ZNF273: variants seen among roughly 807,000 people sequenced by gnomAD.
ZNF273 encodes zinc finger protein 9.
In ZNF273, 11 loss-of-function variants were observed where a neutral mutation model predicts 14.9. The observed-to-expected ratio is 0.74, with a 90% CI of 0.46 to 1.22. The LOEUF is 1.22. ZNF273 is among the 50% of genes most tolerant of loss of function. ZNF273 has a pLI of 0.00. For missense variants in ZNF273, 577 were observed against 660.6 expected (o/e 0.87, Z 1.39); for synonymous variants, 199 against 223.9 (o/e 0.89, Z 0.99).
rs138681847 is a variant in ZNF273 at position 64,928,654 on chromosome 7, C to A, written c.1326C>A (p.Phe442Leu). Reference protein sequence around the residue: ...CEECGKAFSVFSTLTKHKIIH... With the variant: ...CEECGKAFSVLSTLTKHKIIH... ...AATGTGGAAAAGCCTTTAGTGTATT[C>A]TCAACCCTTACTAAACATAAGATAA... is the stretch of plus-strand genomic sequence containing the variant. Residue 442 changes from phenylalanine to leucine, a missense_variant, in exon 4 of 4, where the codon TTC becomes TTA. Physicochemically the swap from Phe to Leu is conservative, Grantham distance 22. Transcript: ENST00000476120. The A allele has an allele frequency of 1.2e-6, 2 of 1,612,900 alleles. No individual in the cohort carries two copies. The highest frequency in any genetic ancestry group is 1.7e-6 in the Non-Finnish European group (2 of 1,179,198).
At chr7:64,881,787 G>A (rs146145792), downstream of ZNF273, among the ~76,000 whole-genome samples, 19 of 152,272 alleles carry the variant, frequency 1.2e-4, no homozygotes, top group African/African-American at 4.6e-4. Flanking sequence ...GGGTCCTCTG[G>A]CAAGGATCCG....
rs201783105 is a variant in ZNF273 at position 64,910,704 on chromosome 7, G to GT, written c.103-6868dup. Among the ~76,000 whole-genome samples the GT allele has an allele frequency of 9.4e-3, 1,355 of 143,964 alleles. 16 individuals are homozygous for GT. The highest frequency in any genetic ancestry group is 0.033 in the African/African-American group (1,282 of 39,400). The allele number at this position is 143,964 out of a possible 152,430, so 94.4% of individuals were successfully genotyped here. A position where few individuals can be genotyped will look rare whatever the true frequency, so the allele number is the denominator to read the frequency against. ...TTTGTTTCATATGAATTTTAAAATA[G>GT]TTTTTTTTTCTGTTAAGAATCTTTT... On this transcript the variant is annotated intron_variant, in intron 1 of 3. Coordinates refer to ENST00000476120, the MANE Select transcript of ZNF273 (RefSeq NM_021148.3).
intron 1 of ZNF273, chr7:64,916,888 A>G (rs531447794): frequency 2.9e-6 from 2 of 689,140 alleles, no homozygotes; most frequent in South Asian, 6.1e-5. Flanking sequence ...AGAGTTAATT[A>G]TTTTTCTCTT....
exon 4 of ZNF273, chr7:64,897,992 G>A (rs1489447635): frequency 6.6e-6 from 1 of 152,136 alleles, no homozygotes; most frequent in African/African-American, 2.4e-5. Context: ...CTCCCAAAGT[G>A]CTGGTATTAC....
intron 1 of ZNF273, among the ~76,000 whole-genome samples, chr7:64,914,540 T>C (rs1793816174): frequency 6.6e-6 from 1 of 152,136 alleles, no homozygotes; most frequent in Admixed American, 6.5e-5. Context: ...TCTGCCTTTG[T>C]ACTAAAGGGT....
chr7:64,887,053 G>C lies in ZNF273; in HGVS notation n.274-1520G>C, dbSNP rs574129651. Among the ~76,000 whole-genome samples the C allele has an allele frequency of 3.3e-5, 5 of 152,220 alleles. No homozygotes were observed. The East Asian group carries it at 9.6e-4, about 29-fold the overall frequency. On this transcript the variant is annotated intron_variant and non_coding_transcript_variant, in intron 1 of 1. Coordinates refer to the ZNF273 transcript ENST00000471926. ...TGTCCCTTCACTTATTCCTCACAAA[G>C]GTGTTATGTCCCAAGGACACTGGGG...
chr7:64,922,346 G>A (rs146941107), intron 3 of ZNF273, among the ~76,000 whole-genome samples: 1 of 149,378 alleles, frequency 6.7e-6, no homozygotes, highest in Non-Finnish European at 1.5e-5. Context: ...TTTTTCCCCC[G>A]GAGACAGAGT....
upstream of ZNF273, among the ~76,000 whole-genome samples, chr7:64,902,995 T>C (rs1354479770): frequency 1.3e-5 from 2 of 152,206 alleles, no homozygotes; most frequent in African/African-American, 2.4e-5. Context: ...TACTATTTAT[T>C]AATATAAATG....
chr7:64,908,493 T>C (rs984162146), intron 1 of ZNF273, among the ~76,000 whole-genome samples: 1 of 152,226 alleles, frequency 6.6e-6, no homozygotes, highest in African/African-American at 2.4e-5. Flanking sequence ...AGTCTTGCTC[T>C]GTTACTCAGG....
chr7:64,915,595 C>T (rs945785411), intron 1 of ZNF273, among the ~76,000 whole-genome samples: 8 of 152,212 alleles, frequency 5.3e-5, no homozygotes, highest in Admixed American at 4.6e-4. Flanking sequence ...AGCCTTTAAG[C>T]GGTTTTCCGC....
At chr7:64,892,738 C>T (rs871077), downstream of ZNF273, among the ~76,000 whole-genome samples, 64,761 of 151,994 alleles carry the variant, frequency 0.43, 14,084 homozygotes, top group African/African-American at 0.46. Flanking sequence ...TTGATTTACA[C>T]AGGGCACGAA....
chr7:64,919,143 A>G (rs1001617266), intron 3 of ZNF273, among the ~76,000 whole-genome samples: 9 of 152,296 alleles, frequency 5.9e-5, no homozygotes, highest in Admixed American at 1.3e-4. Context: ...TGCTTTGGCT[A>G]TTCAAAATTT....
rs752363426 is a variant in ZNF273, at chr7:64,921,605, C to CTT, written c.325+3344_325+3345dup. Among the ~76,000 whole-genome samples, 42 of 57,968 alleles carry CTT rather than the reference C, an allele frequency of 7.2e-4. 5 individuals carry two copies. Among genetic ancestry groups the CTT allele is most frequent in the Non-Finnish European group, 8.9e-4 (28 of 31,486 alleles). 38.0% of individuals were successfully genotyped at this position (57,968 alleles called of 152,430 possible). A position where few individuals can be genotyped will look rare whatever the true frequency, so the allele number is the denominator to read the frequency against. On this transcript the variant is annotated intron_variant, in intron 3 of 3. Transcript: ENST00000476120. ...TATCAATCTTTGCTTCATGCTAATG[C>CTT]TTTTTTTTTTTTTTTTTTTTTTTTT...
chr7:64,924,852 T>A (rs1794701731), intron 3 of ZNF273, among the ~76,000 whole-genome samples: 1 of 151,220 alleles, frequency 6.6e-6, no homozygotes, highest in Non-Finnish European at 1.5e-5. Flanking sequence ...CAGGCTAGAG[T>A]AGTGCAGTGG....
At chr7:64,933,267 C>A (rs1795029197), downstream of ZNF273, 1 of 152,198 alleles carries the variant, frequency 6.6e-6, no homozygotes, top group Admixed American at 6.5e-5. Flanking sequence ...ACCACTGCGC[C>A]CGGTCTCACT....
chr7:64,918,720 A>G (rs1464498719), intron 3 of ZNF273, among the ~76,000 whole-genome samples: 1 of 146,984 alleles, frequency 6.8e-6, no homozygotes. Flanking sequence ...CAAAAAAAGT[A>G]GTTTCTGGAG....
At chr7:64,897,712 C>A (rs1435458350) in exon 4 of ZNF273, 4 of 121,692 alleles carry the variant, frequency 3.3e-5, no homozygotes, top group African/African-American at 1.3e-4. Flanking sequence ...TTGTTGATTT[C>A]TTTTTTTTTT....
At chr7:64,934,862 G>T, downstream of ZNF273, among the ~76,000 whole-genome samples, 1 of 152,020 alleles carries the variant, frequency 6.6e-6, no homozygotes, top group East Asian at 1.9e-4. Flanking sequence ...TTTGATAAAG[G>T]TTGTGTTATA....
intron 2 of ZNF273, 139 bp from the exon 3 acceptor site, chr7:64,918,058 T>A (rs1794137281): frequency 1.3e-6 from 1 of 741,026 alleles, no homozygotes. Flanking sequence ...TTTAAATATT[T>A]AGAAATTTAC....
Sources: allele counts gnomAD v4.1 joint callset (sites outside exome capture counted in the v4.1 genomes callset), GRCh38; gene constraint gnomAD v4.1.1; transcripts MANE v1.5; gene names NCBI Gene and HGNC (gene_info 2026-07-23, HGNC 2026-07-21).